Variants in EYA2 observed in about 807,000 individuals in gnomAD.
EYA2 encodes EYA transcriptional coactivator and phosphatase 2.
In EYA2, 31 loss-of-function variants were observed where a neutral mutation model predicts 69.2. The ratio of observed to expected loss-of-function variants is 0.45; its 90% confidence interval spans 0.34 to 0.60. EYA2 has a LOEUF of 0.60. Among genes scored for constraint, EYA2 ranks in the 20% least tolerant of loss-of-function variants. The probability of loss-of-function intolerance (pLI) is 0.02; values close to 1 mark genes in which losing one functional copy is unlikely to be tolerated. For missense variants in EYA2, 622 were observed against 701.2 expected (o/e 0.89, Z 1.28); for synonymous variants, 257 against 279.4 (o/e 0.92, Z 0.80).
At chr20:46,986,930 A>G (rs1222219571) in intron 1 of EYA2, among the ~76,000 whole-genome samples, 1 of 152,192 alleles carries the variant, frequency 6.6e-6, no homozygotes, top group East Asian at 1.9e-4. Context: ...TCCAAACCAT[A>G]TCAGGGTGGG....
chr20:47,183,407 C>T lies in EYA2; in HGVS notation c.1536+16C>T. Reference sequence around the variant, plus strand: ...AGCGAAAAAGGTACTTCTTCCACCTCTCAGACTGCGTTTTCCTGCTCTTTC... The same window carrying T: ...AGCGAAAAAGGTACTTCTTCCACCTTTCAGACTGCGTTTTCCTGCTCTTTC... On this transcript the variant is annotated intron_variant, in intron 15 of 15. Coordinates refer to ENST00000327619, the MANE Select transcript of EYA2 (RefSeq NM_005244.5). 6.2e-7 allele frequency: 1 copy of T among 1,612,006 alleles called. No individual in the cohort carries two copies. The highest frequency in any genetic ancestry group is 8.5e-7 in the Non-Finnish European group (1 of 1,178,284).
At chr20:46,953,737 A>G (rs1600576567) in intron 1 of EYA2, among the ~76,000 whole-genome samples, 2 of 152,216 alleles carry the variant, frequency 1.3e-5, no homozygotes, top group Non-Finnish European at 2.9e-5. Context: ...ACTGCCATTC[A>G]GAACCACCAG....
intron 10 of EYA2, chr20:47,160,755 A>G (rs1407536729): frequency 6.5e-6 from 1 of 154,884 alleles, no homozygotes; most frequent in Non-Finnish European, 1.4e-5. Flanking sequence ...CTGTGAGGGC[A>G]AGAGCCAGAT....
Position 47,089,363 on chromosome 20 carries a change from AG to A in EYA2, c.790del (p.Asp264ThrfsTer16), listed in dbSNP as rs753270604. 1 of 1,613,872 alleles carries A rather than the reference AG, an allele frequency of 6.2e-7. No individual in the cohort carries two copies. Among genetic ancestry groups the A allele is most frequent in the Non-Finnish European group, 8.5e-7 (1 of 1,179,872 alleles). ...AGAGGAGCAGTGACCCGTCCCCGGC[AG>A]GGGACAATGAGATTGAGGTAATCCA... ...SKRSSDPSPAGDNEIERVFVW... is the reference protein window; with the variant it reads ...SKRSSDPSPAXDNEIERVFVW... On this transcript the variant is annotated frameshift_variant, in exon 8 of 16. Transcript: ENST00000327619. LOFTEE classifies it high-confidence loss of function.
chr20:46,944,300 A>G (rs1206747), intron 1 of EYA2, among the ~76,000 whole-genome samples: 55,300 of 151,804 alleles, frequency 0.36, 11,049 homozygotes, highest in Non-Finnish European at 0.46. Context: ...GAGACAAGAT[A>G]CTCAAAAGTC....
intron 5 of EYA2, among the ~76,000 whole-genome samples, chr20:47,061,324 T>G (rs1034588599): frequency 6.6e-6 from 1 of 152,084 alleles, no homozygotes; most frequent in African/African-American, 2.4e-5. Flanking sequence ...TCCAGGAGTT[T>G]GACACCAGCC....
chr20:46,942,242 C>T (rs1986185061), intron 1 of EYA2, among the ~76,000 whole-genome samples: 1 of 151,980 alleles, frequency 6.6e-6, no homozygotes, highest in South Asian at 2.1e-4. Context: ...AAGTCTCACT[C>T]TGTCACCCAG....
intron 1 of EYA2, among the ~76,000 whole-genome samples, chr20:46,958,910 A>T (rs957302110): frequency 6.6e-6 from 1 of 152,202 alleles, no homozygotes; most frequent in Non-Finnish European, 1.5e-5. Context: ...TCCATGGTGG[A>T]TACGTACCAC....
At chr20:46,946,357 T>C (rs1201702299) in intron 1 of EYA2, among the ~76,000 whole-genome samples, 1 of 152,216 alleles carries the variant, frequency 6.6e-6, no homozygotes, top group Non-Finnish European at 1.5e-5. Context: ...TGTGAACTCA[T>C]TTCTTGAGCA....
At chr20:46,964,971 G>A (rs562518725) in intron 1 of EYA2, among the ~76,000 whole-genome samples, 6 of 152,314 alleles carry the variant, frequency 3.9e-5, no homozygotes, top group East Asian at 3.9e-4. Context: ...AGCTTAGGAC[G>A]TGCTAGATAA....
intron 1 of EYA2, among the ~76,000 whole-genome samples, chr20:46,988,655 G>A (rs912738192): frequency 2.0e-5 from 3 of 152,196 alleles, no homozygotes; most frequent in Non-Finnish European, 4.4e-5. Context: ...GTACAGTGGT[G>A]TGTGCGTTAA....
intron 5 of EYA2, among the ~76,000 whole-genome samples, chr20:47,052,388 C>G (rs940183101): frequency 1.3e-5 from 2 of 152,148 alleles, no homozygotes; most frequent in Non-Finnish European, 2.9e-5. Context: ...ACCTGTGGTC[C>G]TGGCAGCATC....
chr20:46,937,212 T>G (rs1985947852), intron 1 of EYA2, among the ~76,000 whole-genome samples: 1 of 152,224 alleles, frequency 6.6e-6, no homozygotes, highest in South Asian at 2.1e-4. Context: ...CATGAATCTA[T>G]GGGAGGAACT....
At chr20:47,017,558 G>T (rs759531311) in intron 5 of EYA2, among the ~76,000 whole-genome samples, 1 of 152,114 alleles carries the variant, frequency 6.6e-6, no homozygotes, top group South Asian at 2.1e-4. Flanking sequence ...AAAAAAAATT[G>T]TGAAAGGAGA....
At chr20:47,048,359 G>T (rs552168662) in intron 5 of EYA2, among the ~76,000 whole-genome samples, 2 of 152,268 alleles carry the variant, frequency 1.3e-5, no homozygotes, top group African/African-American at 2.4e-5. Flanking sequence ...GGCCTGATTT[G>T]CCAGAACTTC....
chr20:46,906,389 G>A (rs1470170184), intron 1 of EYA2, among the ~76,000 whole-genome samples: 1 of 152,112 alleles, frequency 6.6e-6, no homozygotes, highest in Non-Finnish European at 1.5e-5. Flanking sequence ...AACCAGAATT[G>A]CAATGCTGTG....
intron 5 of EYA2, among the ~76,000 whole-genome samples, chr20:47,045,850 A>G (rs1170036519): frequency 6.6e-6 from 1 of 151,598 alleles, no homozygotes; most frequent in Non-Finnish European, 1.5e-5. Context: ...GTAGCGGTTT[A>G]TTTCTCTCTT....
intron 1 of EYA2, among the ~76,000 whole-genome samples, chr20:46,904,851 A>C (rs886874569): frequency 1.3e-5 from 2 of 152,180 alleles, no homozygotes; most frequent in Non-Finnish European, 2.9e-5. Context: ...CTGGGAATCC[A>C]GAATGGGGAG....
At chr20:46,986,012 T>C (rs1981157142) in intron 1 of EYA2, among the ~76,000 whole-genome samples, 1 of 152,140 alleles carries the variant, frequency 6.6e-6, no homozygotes, top group Non-Finnish European at 1.5e-5. Flanking sequence ...CTTTCATTAT[T>C]TGCACATACC....
Sources: gnomAD v4.1 joint callset for allele counts (sites outside exome capture counted in the v4.1 genomes callset) on GRCh38, gnomAD v4.1.1 for gene constraint, MANE v1.5 for transcripts, NCBI Gene and HGNC (gene_info 2026-07-23, HGNC 2026-07-21) for gene names.